Variants in TCF12 observed in about 807,000 individuals in gnomAD.
TCF12 encodes the protein transcription factor 12.
A neutral mutation model predicts 86.0 loss-of-function variants in TCF12; 45 were observed. The ratio of observed to expected loss-of-function variants is 0.52; its 90% CI spans 0.41 to 0.67. The LOEUF (loss-of-function observed/expected upper bound fraction) is 0.67. Among genes scored for constraint, TCF12 ranks in the 30% least tolerant of loss-of-function variants. TCF12 has a pLI of 0.00. For missense variants in TCF12, 881 were observed against 859.9 expected (o/e 1.02, Z -0.31); for synonymous variants, 330 against 299.6 (o/e 1.10, Z -1.05).
At chr15:56,979,942 T>C (rs1183640266) in intron 3 of TCF12, among the ~76,000 whole-genome samples, 1 of 152,194 alleles carries the variant, frequency 6.6e-6, no homozygotes, top group Admixed American at 6.5e-5. Flanking sequence ...TGTGTCTGTA[T>C]TGTATTTCCT....
chr15:57,096,082 C>G (rs1339203650), intron 5 of TCF12, among the ~76,000 whole-genome samples: 3 of 152,088 alleles, frequency 2.0e-5, no homozygotes, highest in Non-Finnish European at 4.4e-5. Context: ...TTCTTCATAG[C>G]TCAGATTTTT....
At chr15:57,214,179 C>T (rs1397339071) in intron 8 of TCF12, 2 of 152,218 alleles carry the variant, frequency 1.3e-5, no homozygotes, top group Non-Finnish European at 2.9e-5. Flanking sequence ...TCAAAGAAAA[C>T]TGCTTTGTCG....
At chr15:57,096,852 G>A (rs1234969884) in intron 5 of TCF12, among the ~76,000 whole-genome samples, 3 of 152,072 alleles carry the variant, frequency 2.0e-5, no homozygotes, top group Admixed American at 6.5e-5. Flanking sequence ...GGGTCTAATT[G>A]CTCAAGTATA....
chr15:57,151,113 G>A (rs1169047870), intron 5 of TCF12, among the ~76,000 whole-genome samples: 3 of 150,924 alleles, frequency 2.0e-5, no homozygotes, highest in Non-Finnish European at 4.4e-5. Flanking sequence ...AAGTAGCTAG[G>A]ACTGCAAGGA....
chr15:57,286,934 G>T lies in TCF12; in HGVS notation c.*789G>T, dbSNP rs1282443558. ...TTACAGTGGTAAGCAGAGACCATCT[G>T]TGACCATAGCCTAGCTAGCATTTTA... On this transcript the variant is annotated 3_prime_UTR_variant, in exon 21 of 21. Coordinates refer to ENST00000333725, the MANE Select transcript of TCF12 (RefSeq NM_207037.2). 1 of 200,576 alleles carries T rather than the reference G, an allele frequency of 5.0e-6. No individual in the cohort carries two copies. The highest frequency in any genetic ancestry group is 1.0e-5 in the Non-Finnish European group (1 of 96,106). 12.4% of individuals were successfully genotyped at this position (200,576 alleles called of 1,614,324 possible).
intron 4 of TCF12, among the ~76,000 whole-genome samples, chr15:57,075,840 TTTC>T (rs1246724013): frequency 1.9e-5 from 1 of 51,578 alleles, no homozygotes; most frequent in African/African-American, 6.5e-5. Context: ...CTCTCTTTTC[TTTC>T]TTTCTTTCTT....
At chr15:56,980,004 A>G (rs1225865609) in intron 3 of TCF12, among the ~76,000 whole-genome samples, 1 of 152,180 alleles carries the variant, frequency 6.6e-6, no homozygotes, top group African/African-American at 2.4e-5. Flanking sequence ...AGATGAAGCT[A>G]TTATAGATTT....
chr15:57,263,200 T>G lies in TCF12; in HGVS notation c.1671T>G (p.Pro557=), dbSNP rs2079797677. 2.5e-6 allele frequency: 4 copies of G among 1,613,174 alleles called. No individual in the cohort carries two copies. The highest frequency in any genetic ancestry group is 1.7e-5 in the Admixed American group (1 of 59,804). The change falls in exon 18 of 21, where the codon CCT becomes CCG. Residue 557 remains proline, a synonymous_variant. Transcript: ENST00000333725. Reference sequence around the variant, plus strand: ...AGGATGAAAACCTTCATGAACCTCCTTCATCAGATGACATGAAGTCAGATG... The same window carrying G: ...AGGATGAAAACCTTCATGAACCTCCGTCATCAGATGACATGAAGTCAGATG... ...KEKDENLHEP[P]SSDDMKSDDE... is the part of the protein sequence containing the mutation.
At chr15:57,228,754 A>C (rs1233428164) in intron 8 of TCF12, among the ~76,000 whole-genome samples, 1 of 124,572 alleles carries the variant, frequency 8.0e-6, no homozygotes, top group African/African-American at 2.4e-5. Context: ...ATGTAAGTAT[A>C]TTAGTGTGTG....
At chr15:56,946,226 A>G (rs1172073071) in intron 3 of TCF12, among the ~76,000 whole-genome samples, 3 of 152,120 alleles carry the variant, frequency 2.0e-5, no homozygotes, top group Admixed American at 2.0e-4. Flanking sequence ...TAGGACTTCA[A>G]TTACACATAT....
intron 3 of TCF12, among the ~76,000 whole-genome samples, chr15:56,983,175 C>G (rs2062978656): frequency 6.6e-6 from 1 of 152,182 alleles, no homozygotes; most frequent in African/African-American, 2.4e-5. Flanking sequence ...CAACTCTGTC[C>G]TGTTACCTTT....
intron 3 of TCF12, among the ~76,000 whole-genome samples, chr15:56,934,886 A>G (rs186971917): frequency 4.4e-4 from 67 of 152,194 alleles, no homozygotes; most frequent in African/African-American, 1.5e-3. Flanking sequence ...TGGGTTTGGG[A>G]GAAAAGGGTC....
chr15:56,989,056 T>G (rs138228922), intron 3 of TCF12, among the ~76,000 whole-genome samples: 1 of 152,272 alleles, frequency 6.6e-6, no homozygotes, highest in East Asian at 1.9e-4. Flanking sequence ...AAAAATAACA[T>G]TTTCCAAGAG....
rs770008737 is a variant in TCF12, at chr15:57,206,202, A to G, written c.579+8377A>G. Among the ~76,000 whole-genome samples the G allele has an allele frequency of 1.4e-3, 213 of 152,188 alleles. 6 individuals carry two copies. The highest frequency in any genetic ancestry group is 5.1e-4 in the Non-Finnish European group (35 of 68,042). On this transcript the variant is annotated intron_variant, in intron 8 of 20. Coordinates refer to ENST00000333725, the MANE Select transcript of TCF12 (RefSeq NM_207037.2). ...CCAGTGCCCAGGGTCTTAAGGCACT[A>G]AAGAATACAAGGTAATGAGGCCAGG...
At chr15:57,095,500 C>A (rs2049264209) in intron 5 of TCF12, among the ~76,000 whole-genome samples, 1 of 152,148 alleles carries the variant, frequency 6.6e-6, no homozygotes, top group Non-Finnish European at 1.5e-5. Context: ...TCTTTTTAAT[C>A]CCTCCATGTT....
chr15:57,017,744 G>A (rs1423548050), intron 3 of TCF12, among the ~76,000 whole-genome samples: 14 of 57,618 alleles, frequency 2.4e-4, no homozygotes, highest in Middle Eastern at 0.011. Flanking sequence ...TTTTTTTTTT[G>A]CCTGAACATT....
chr15:57,136,917 C>G (rs1472615770), intron 5 of TCF12, among the ~76,000 whole-genome samples: 1 of 143,882 alleles, frequency 7.0e-6, no homozygotes, highest in Non-Finnish European at 1.5e-5. Context: ...TCCCAATATG[C>G]TGGAATCACA....
chr15:57,275,045 A>T (rs894674672), intron 19 of TCF12, among the ~76,000 whole-genome samples: 2 of 152,138 alleles, frequency 1.3e-5, no homozygotes, highest in Non-Finnish European at 2.9e-5. Flanking sequence ...GGCACCTAGA[A>T]CAGAAAATAT....
rs374066056 is a variant in TCF12, at chr15:57,269,989, A to G, written c.1746-3041A>G. ...ACCTTTATTTCTGGCAGCCCTTAAC[A>G]TTTTTTCCTTCATTTCAACCTTGGT... On this transcript the variant is annotated intron_variant, in intron 18 of 20. Coordinates refer to ENST00000333725, the MANE Select transcript of TCF12 (RefSeq NM_207037.2). 5.9e-5 allele frequency among the ~76,000 whole-genome samples: 9 copies of G among 152,074 alleles called. No individual in the cohort carries two copies. In the South Asian group the frequency reaches 1.0e-3, roughly 18 times the overall value.
Sources: gnomAD v4.1 joint callset for allele counts (sites outside exome capture counted in the v4.1 genomes callset) on GRCh38, gnomAD v4.1.1 for gene constraint, MANE v1.5 for transcripts, NCBI Gene and HGNC (gene_info 2026-07-23, HGNC 2026-07-21) for gene names.